SAMD12: variants seen among roughly 807,000 people sequenced by gnomAD.
SAMD12 encodes the protein sterile alpha motif domain-containing protein 12.
SAMD12 carries 9 observed loss-of-function variants against 15.0 expected under a neutral mutation model. The observed-to-expected ratio is 0.60, with a 90% CI of 0.36 to 1.05. SAMD12 has a LOEUF of 1.05. Among genes scored for constraint, SAMD12 ranks in the 50% least tolerant of loss-of-function variants. The pLI is 0.01. For missense variants in SAMD12, 230 were observed against 234.2 expected, an observed-to-expected ratio of 0.98 and a Z score of 0.12; for synonymous variants, 86 against 90.1, an observed-to-expected ratio of 0.96 and a Z score of 0.25.
chr8:118,587,798 T>C (rs1379390712), intron 1 of SAMD12, among the ~76,000 whole-genome samples: 1 of 152,254 alleles, frequency 6.6e-6, no homozygotes, highest in Non-Finnish European at 1.5e-5. Context: ...GTGAGAAAAG[T>C]AATTCTCTGC....
intron 4 of SAMD12, among the ~76,000 whole-genome samples, chr8:118,229,277 A>G (rs928579940): frequency 6.6e-6 from 1 of 152,036 alleles, no homozygotes; most frequent in Non-Finnish European, 1.5e-5. Context: ...CAAATAACTT[A>G]TGTAAAAATA....
chr8:118,323,976 T>G (rs1332612399), intron 4 of SAMD12, among the ~76,000 whole-genome samples: 6 of 152,090 alleles, frequency 3.9e-5, no homozygotes, highest in Non-Finnish European at 7.4e-5. Context: ...TTTTAATACT[T>G]TTTCCTTAAA....
the SAMD12 span, among the ~76,000 whole-genome samples, chr8:118,138,209 G>A: frequency 7.6e-6 from 1 of 132,084 alleles, no homozygotes; most frequent in African/African-American, 2.6e-5. Flanking sequence ...TACTGAGTGA[G>A]TGACTCGAAG....
chr8:118,412,251 T>C (rs1012789224), intron 3 of SAMD12, among the ~76,000 whole-genome samples: 4 of 152,154 alleles, frequency 2.6e-5, no homozygotes, highest in Non-Finnish European at 5.9e-5. Context: ...GGAGGACAGA[T>C]AGTTCACTGA....
rs199578154 is a variant in SAMD12 at position 118,337,169 on chromosome 8, G to GA, written c.433+42390dup. Among the ~76,000 whole-genome samples the GA allele has an allele frequency of 8.1e-4, 119 of 146,844 alleles. 1 individual carries two copies. Among genetic ancestry groups the GA allele is most frequent in the African/African-American group, 2.7e-3 (107 of 39,820 alleles). On this transcript the variant is annotated intron_variant, in intron 4 of 4. Transcript: ENST00000409003. The stretch of plus-strand genomic sequence containing the variant: ...AGAACTTAAAGTATAATTAAAAAAA[G>GA]AAAAAAAAAGGAAGAGAGAAATAAA...
At chr8:118,212,022 C>T (rs1010080939) in intron 4 of SAMD12, among the ~76,000 whole-genome samples, 7 of 151,864 alleles carry the variant, frequency 4.6e-5, no homozygotes, top group African/African-American at 1.7e-4. Flanking sequence ...ACAGCTTCCT[C>T]ATGTGTAAAA....
At chr8:118,381,054 T>C (rs1211979443) in intron 3 of SAMD12, among the ~76,000 whole-genome samples, 2 of 152,170 alleles carry the variant, frequency 1.3e-5, no homozygotes, top group Non-Finnish European at 2.9e-5. Flanking sequence ...TTATAAATCA[T>C]TGGCCAGAAC....
At chr8:118,605,828 A>G (rs1229495759) in intron 1 of SAMD12, among the ~76,000 whole-genome samples, 1 of 100,602 alleles carries the variant, frequency 9.9e-6, no homozygotes, top group Non-Finnish European at 2.1e-5. Flanking sequence ...ATATATATAT[A>G]TATACTGACC....
intron 2 of SAMD12, among the ~76,000 whole-genome samples, chr8:118,573,988 A>C (rs1827087116): frequency 6.6e-6 from 1 of 152,212 alleles, no homozygotes; most frequent in Non-Finnish European, 1.5e-5. Context: ...ATGATTTCAG[A>C]CCAGAAAAAG....
At chr8:118,496,951 C>G (rs1290005872) in intron 2 of SAMD12, among the ~76,000 whole-genome samples, 1 of 149,766 alleles carries the variant, frequency 6.7e-6, no homozygotes, top group Non-Finnish European at 1.5e-5. Flanking sequence ...ATATACATAG[C>G]CAACAAGCAT....
At chr8:118,135,722 T>C in the SAMD12 span, among the ~76,000 whole-genome samples, 3 of 152,138 alleles carry the variant, frequency 2.0e-5, no homozygotes, top group African/African-American at 7.2e-5. Flanking sequence ...TTTTAACTTT[T>C]TGTAGAGACA....
the SAMD12 span, among the ~76,000 whole-genome samples, chr8:118,161,086 T>A: frequency 1.3e-5 from 2 of 152,166 alleles, no homozygotes; most frequent in Admixed American, 6.5e-5. Flanking sequence ...GAATGATGGT[T>A]TCCAGTTTCA....
intron 4 of SAMD12, among the ~76,000 whole-genome samples, chr8:118,278,101 T>A (rs1269990970): frequency 6.6e-6 from 1 of 152,220 alleles, no homozygotes; most frequent in African/African-American, 2.4e-5. Flanking sequence ...TGGGTTCTAG[T>A]GGCAAGCAAT....
At chr8:118,132,049 A>C in the SAMD12 span, among the ~76,000 whole-genome samples, 1 of 152,218 alleles carries the variant, frequency 6.6e-6, no homozygotes, top group African/African-American at 2.4e-5. Flanking sequence ...CCACATATAC[A>C]CTTACAATAT....
intron 4 of SAMD12, among the ~76,000 whole-genome samples, chr8:118,244,788 T>G (rs946569819): frequency 4.6e-5 from 7 of 151,984 alleles, no homozygotes; most frequent in African/African-American, 1.7e-4. Context: ...AGAAGGAAAG[T>G]AGAGCGAAAA....
At chr8:118,473,051 C>G (rs1033385966) in intron 2 of SAMD12, among the ~76,000 whole-genome samples, 1 of 152,144 alleles carries the variant, frequency 6.6e-6, no homozygotes, top group African/African-American at 2.4e-5. Context: ...TGGGGTCAAC[C>G]AATTGGAAGC....
intron 4 of SAMD12, among the ~76,000 whole-genome samples, chr8:118,307,096 G>A (rs576256816): frequency 1.3e-5 from 2 of 152,272 alleles, no homozygotes; most frequent in Admixed American, 1.3e-4. Flanking sequence ...TCAGTAAAAT[G>A]GAGAACCAGC....
intron 2 of SAMD12, among the ~76,000 whole-genome samples, chr8:118,444,335 G>A (rs1185154265): frequency 6.6e-6 from 1 of 152,076 alleles, no homozygotes; most frequent in Non-Finnish European, 1.5e-5. Flanking sequence ...GAGGCCCGAG[G>A]CAGTTTGTTA....
In SAMD12 at chr8:118,254,475, C is replaced by A. The variant is rs112644397; in HGVS notation, c.434-56743G>T. ...TGGAAGTGATCTTAAGTCATATCTC[C>A]TGTGTCATCATCCATCTCGCCACAC... On this transcript the variant is annotated intron_variant, in intron 4 of 4. Coordinates refer to the SAMD12 transcript ENST00000409003. 5.2e-3 allele frequency among the ~76,000 whole-genome samples: 797 copies of A among 152,274 alleles called. 6 individuals are homozygous for A. The highest frequency in any genetic ancestry group is 0.018 in the African/African-American group (758 of 41,566).
Sources: gnomAD v4.1 joint callset for allele counts (sites outside exome capture counted in the v4.1 genomes callset) on GRCh38, gnomAD v4.1.1 for gene constraint, MANE v1.5 for transcripts, NCBI Gene and HGNC (gene_info 2026-07-23, HGNC 2026-07-21) for gene names.